The following NTM variants were observed in gnomAD, a reference collection of about 807,000 sequenced individuals.
NTM encodes neurotrimin.
A neutral mutation model predicts 42.1 loss-of-function variants in NTM; 13 were observed. That is an observed-to-expected ratio of 0.31 (90% CI 0.20 to 0.49). The LOEUF is 0.49. NTM is among the 20% of genes least tolerant of loss of function. The pLI, the probability that NTM is intolerant of heterozygous loss-of-function variation, is 0.99. For missense variants in NTM, 373 were observed against 452.8 expected, an observed-to-expected ratio of 0.82 and a Z score of 1.60; for synonymous variants, 187 against 179.2, an observed-to-expected ratio of 1.04 and a Z score of -0.35.
intron 1 of NTM, among the ~76,000 whole-genome samples, chr11:131,904,398 C>T (rs2053577561): frequency 6.6e-6 from 1 of 152,182 alleles, no homozygotes; most frequent in African/African-American, 2.4e-5. Flanking sequence ...CTTCCCTACT[C>T]TGGCTGGGCT....
chr11:132,317,687 C>G, intron 7 of NTM: 2 of 1,302,876 alleles, frequency 1.5e-6, no homozygotes, highest in Non-Finnish European at 2.0e-6. Context: ...AACTTTGTTG[C>G]AAGGTCAGTA....
intron 1 of NTM, among the ~76,000 whole-genome samples, chr11:131,790,389 A>T (rs2090759719): frequency 6.6e-6 from 1 of 151,522 alleles, no homozygotes; most frequent in Admixed American, 6.5e-5. Context: ...TCTTCAATAC[A>T]TTGGGATTCA....
chr11:132,326,272 C>A (rs1423106517), intron 7 of NTM, among the ~76,000 whole-genome samples: 3 of 151,956 alleles, frequency 2.0e-5, no homozygotes, highest in African/African-American at 7.3e-5. Flanking sequence ...TTCAGAAGGA[C>A]CGAGCTAGTT....
At chr11:132,182,302 G>T (rs1362868271) in intron 3 of NTM, among the ~76,000 whole-genome samples, 1 of 152,040 alleles carries the variant, frequency 6.6e-6, no homozygotes, top group Non-Finnish European at 1.5e-5. Flanking sequence ...GGTCATGACT[G>T]GAGAGGACTT....
chr11:131,499,919 T>C (rs1364831587), intron 1 of NTM, among the ~76,000 whole-genome samples: 1 of 152,224 alleles, frequency 6.6e-6, no homozygotes, highest in Non-Finnish European at 1.5e-5. Context: ...TTTCTTCTCT[T>C]TGAGAAGCCA....
At chr11:131,720,757 A>G (rs376522264) in intron 1 of NTM, among the ~76,000 whole-genome samples, 1 of 152,206 alleles carries the variant, frequency 6.6e-6, no homozygotes, top group African/African-American at 2.4e-5. Context: ...ACTGTGAAAC[A>G]GGCTGCATAA....
At chr11:132,167,129 G>T (rs148885223) in intron 3 of NTM, among the ~76,000 whole-genome samples, 2 of 152,116 alleles carry the variant, frequency 1.3e-5, no homozygotes, top group Non-Finnish European at 2.9e-5. Context: ...TGAGCTTAGC[G>T]CTTGCTGTAT....
rs558531904 is a variant in NTM at position 131,669,618 on chromosome 11, G to A, written c.83-241946G>A. 3.9e-5 allele frequency among the ~76,000 whole-genome samples: 6 copies of A among 152,234 alleles called. No individual in the cohort carries two copies. In the South Asian group the frequency reaches 8.3e-4, roughly 21 times the overall value. ...TCAGCAATTCAGCGGTGGGGGCACC[G>A]AGGCTTCCGGCTCCAGGCTCAGGTG... On this transcript the variant is annotated intron_variant, in intron 1 of 8. Transcript: ENST00000683400.
At chr11:131,615,202 A>G (rs1417814195) in intron 1 of NTM, among the ~76,000 whole-genome samples, 1 of 152,194 alleles carries the variant, frequency 6.6e-6, no homozygotes, top group Non-Finnish European at 1.5e-5. Context: ...TGAACATAAC[A>G]CAGTCTGGGA....
chr11:132,297,789 G>A (rs921184824), intron 4 of NTM, among the ~76,000 whole-genome samples: 3 of 152,070 alleles, frequency 2.0e-5, no homozygotes, highest in Non-Finnish European at 4.4e-5. Flanking sequence ...ATAGCAAGGG[G>A]GTACCAAGCC....
At chr11:131,479,756 T>C (rs1413133965) in intron 1 of NTM, among the ~76,000 whole-genome samples, 2 of 152,078 alleles carry the variant, frequency 1.3e-5, no homozygotes, top group African/African-American at 4.8e-5. Flanking sequence ...TCTAAGGTCA[T>C]TGGGAGGTAA....
At chr11:131,892,473 G>A (rs762275338) in intron 1 of NTM, among the ~76,000 whole-genome samples, 7 of 152,214 alleles carry the variant, frequency 4.6e-5, no homozygotes, top group Non-Finnish European at 1.0e-4. Context: ...TTGTTGTCAG[G>A]AAGCCCTGGC....
chr11:132,234,502 A>G (rs112252591), intron 4 of NTM, among the ~76,000 whole-genome samples: 2,450 of 152,272 alleles, frequency 0.016, 58 homozygotes, highest in African/African-American at 0.055. Context: ...TTTGTGAAGC[A>G]GAGGTGGCAT....
chr11:132,174,452 A>T lies in NTM; in HGVS notation c.400+27938A>T, dbSNP rs149947177. ...GCAAGTTAAGAATGTACCTTGCTACATGCCCCAGGGTAACAGAATCGATGC... is the reference window on the plus strand; with the variant it reads ...GCAAGTTAAGAATGTACCTTGCTACTTGCCCCAGGGTAACAGAATCGATGC... On this transcript the variant is annotated intron_variant, in intron 3 of 8. Transcript: ENST00000683400. Among the ~76,000 whole-genome samples the T allele has an allele frequency of 3.5e-3, 537 of 152,358 alleles. 1 individual carries two copies. Among genetic ancestry groups the T allele is most frequent in the Non-Finnish European group, 6.3e-3 (426 of 68,036 alleles).
At chr11:131,798,531 A>G (rs1218197044) in intron 1 of NTM, among the ~76,000 whole-genome samples, 1 of 152,202 alleles carries the variant, frequency 6.6e-6, no homozygotes. Context: ...TTTACTGGGC[A>G]TTTACTATGT....
Position 131,683,413 on chromosome 11 carries a change from C to T in NTM, c.83-228151C>T, listed in dbSNP as rs2073315333. 2.6e-5 allele frequency among the ~76,000 whole-genome samples: 4 copies of T among 152,308 alleles called. No individual in the cohort carries two copies. The South Asian group carries it at 8.3e-4, about 32-fold the overall frequency. The stretch of plus-strand genomic sequence containing the variant: ...CCCTCCAGCTCTGGTACCTAAGTCC[C>T]CTCTTGGGAAATGAAGGGATAATGC... On this transcript the variant is annotated intron_variant, in intron 1 of 8. Transcript: ENST00000683400.
intron 2 of NTM, among the ~76,000 whole-genome samples, chr11:132,089,618 G>A (rs555960178): frequency 6.6e-5 from 10 of 152,256 alleles, no homozygotes; most frequent in Admixed American, 1.3e-4. Context: ...CCTGGGCTTC[G>A]TCTTCAACAT....
chr11:131,755,537 A>C (rs562099616), intron 1 of NTM, among the ~76,000 whole-genome samples: 1 of 152,332 alleles, frequency 6.6e-6, no homozygotes, highest in South Asian at 2.1e-4. Flanking sequence ...GTCCCATGCA[A>C]TATTTGGGAC....
intron 1 of NTM, among the ~76,000 whole-genome samples, chr11:131,395,775 C>G (rs1233436256): frequency 6.6e-6 from 1 of 152,202 alleles, no homozygotes; most frequent in Admixed American, 6.5e-5. Context: ...TTGATGAAGT[C>G]TGGCTGATTT....
Sources: allele counts gnomAD v4.1 joint callset (sites outside exome capture counted in the v4.1 genomes callset), GRCh38; gene constraint gnomAD v4.1.1; transcripts MANE v1.5; gene names NCBI Gene and HGNC (gene_info 2026-07-23, HGNC 2026-07-21).